The following GALNT17 variants were observed in gnomAD, a reference collection of about 807,000 sequenced individuals.
GALNT17 encodes the protein UDP-GalNAc:polypeptide N-acetylgalactosaminyltransferase-like 3.
GALNT17 carries 29 observed loss-of-function variants against 63.7 expected under a neutral mutation model. That is an observed-to-expected ratio of 0.46 (90% CI 0.34 to 0.62). GALNT17 has a LOEUF of 0.62. Ranked by LOEUF, GALNT17 falls within the 20% of genes least tolerant of loss-of-function variation. The pLI is 0.01. For synonymous variants in GALNT17, 305 were observed against 318.3 expected (o/e 0.96, Z 0.45); for missense variants, 603 against 799.6 (o/e 0.75, Z 2.97).
chr7:71,314,956 T>A (rs1791475044), intron 1 of GALNT17, among the ~76,000 whole-genome samples: 1 of 152,176 alleles, frequency 6.6e-6, no homozygotes, highest in Non-Finnish European at 1.5e-5. Flanking sequence ...TAAAAAAGTC[T>A]ACAGTTCACC....
At chr7:71,674,714 A>C (rs1433667755) in intron 8 of GALNT17, among the ~76,000 whole-genome samples, 2 of 151,816 alleles carry the variant, frequency 1.3e-5, no homozygotes, top group African/African-American at 2.4e-5. Context: ...GTGGGGTCTC[A>C]CTATGTTGCC....
At chr7:71,653,758 G>A (rs1165633265) in intron 6 of GALNT17, among the ~76,000 whole-genome samples, 1 of 152,114 alleles carries the variant, frequency 6.6e-6, no homozygotes, top group Non-Finnish European at 1.5e-5. Flanking sequence ...TGGAGTCAAA[G>A]ATTTTCTGAT....
intron 5 of GALNT17, among the ~76,000 whole-genome samples, chr7:71,451,553 G>C: frequency 6.6e-6 from 1 of 151,866 alleles, no homozygotes; most frequent in East Asian, 1.9e-4. Context: ...CCTTATATTT[G>C]AATTTTATTA....
intron 9 of GALNT17, among the ~76,000 whole-genome samples, chr7:71,684,815 C>T (rs1791328068): frequency 6.6e-6 from 1 of 151,952 alleles, no homozygotes; most frequent in Non-Finnish European, 1.5e-5. Flanking sequence ...GGTTATGAAC[C>T]ACCACACCCA....
intron 1 of GALNT17, among the ~76,000 whole-genome samples, chr7:71,251,266 A>G (rs550579802): frequency 6.6e-6 from 1 of 151,838 alleles, no homozygotes; most frequent in East Asian, 2.0e-4. Context: ...TGTGTCTAGT[A>G]GGGTGTTAAA....
chr7:71,670,852 T>C (rs1188910290), intron 8 of GALNT17, among the ~76,000 whole-genome samples: 1 of 151,692 alleles, frequency 6.6e-6, no homozygotes, highest in East Asian at 1.9e-4. Flanking sequence ...AGAGATAACG[T>C]GTACACTTTG....
chr7:71,659,547 A>G (rs1790875719), intron 6 of GALNT17, among the ~76,000 whole-genome samples: 1 of 152,074 alleles, frequency 6.6e-6, no homozygotes, highest in Admixed American at 6.6e-5. Context: ...TTACAGCCTG[A>G]CGGGCTCAGA....
intron 5 of GALNT17, among the ~76,000 whole-genome samples, chr7:71,543,938 G>A (rs1788936007): frequency 1.3e-5 from 2 of 151,452 alleles, no homozygotes; most frequent in Non-Finnish European, 2.9e-5. Context: ...GATTACAGGC[G>A]CATGCCACTG....
chr7:71,535,228 TA>T (rs1322881645), intron 5 of GALNT17, among the ~76,000 whole-genome samples: 1 of 152,204 alleles, frequency 6.6e-6, no homozygotes, highest in Non-Finnish European at 1.5e-5. Context: ...TACTATTAAA[TA>T]GCTATTTTTT....
At chr7:71,202,749 C>G (rs185767087) in intron 1 of GALNT17, among the ~76,000 whole-genome samples, 1 of 152,172 alleles carries the variant, frequency 6.6e-6, no homozygotes, top group African/African-American at 2.4e-5. Flanking sequence ...CCCGTCAAAC[C>G]GAACCTTTGT....
intron 1 of GALNT17, among the ~76,000 whole-genome samples, chr7:71,185,066 CTTCT>C (rs1485529760): frequency 7.1e-6 from 1 of 140,226 alleles, no homozygotes; most frequent in African/African-American, 2.8e-5. Flanking sequence ...CCTCCTTCTG[CTTCT>C]TTTTCTCCTC....
chr7:71,432,037 TG>T (rs1786876267), intron 5 of GALNT17, among the ~76,000 whole-genome samples: 2 of 152,032 alleles, frequency 1.3e-5, no homozygotes, highest in African/African-American at 4.8e-5. Context: ...TAGCTGGGTG[TG>T]ATGGTGCACA....
chr7:71,202,555 G>A (rs1789194873), intron 1 of GALNT17, among the ~76,000 whole-genome samples: 1 of 152,064 alleles, frequency 6.6e-6, no homozygotes, highest in African/African-American at 2.4e-5. Flanking sequence ...TAGGTACACT[G>A]TAATGTTTTA....
At chr7:71,185,071 T>C (rs1788820369) in intron 1 of GALNT17, among the ~76,000 whole-genome samples, 1 of 139,156 alleles carries the variant, frequency 7.2e-6, no homozygotes, top group Non-Finnish European at 1.5e-5. Context: ...TTCTGCTTCT[T>C]TTTCTCCTCC....
chr7:71,270,993 A>G (rs1304366671), intron 1 of GALNT17, among the ~76,000 whole-genome samples: 1 of 152,148 alleles, frequency 6.6e-6, no homozygotes, highest in Non-Finnish European at 1.5e-5. Context: ...AGCGTTTTCT[A>G]GGAATTTCAT....
chr7:71,256,203 C>T (rs1409928689), intron 1 of GALNT17, among the ~76,000 whole-genome samples: 1 of 152,196 alleles, frequency 6.6e-6, no homozygotes, highest in Non-Finnish European at 1.5e-5. Flanking sequence ...TTTCAGCTGT[C>T]CCACCTTTTC....
rs150399761 is a variant in GALNT17 at position 71,616,558 on chromosome 7, A to G, written c.1080+45156A>G. On this transcript the variant is annotated intron_variant, in intron 6 of 10. Coordinates refer to ENST00000333538, the MANE Select transcript of GALNT17 (RefSeq NM_022479.3). ...TAATATAAATATATAATAATTACAT[A>G]TAACTATATAATCTGATATTCTGGA... Among the ~76,000 whole-genome samples, 1,118 of 146,510 alleles carry G rather than the reference A, an allele frequency of 7.6e-3. 18 individuals carry two copies. The highest frequency in any genetic ancestry group is 0.026 in the African/African-American group (1,060 of 40,444).
chr7:71,232,143 A>G (rs1422194865), intron 1 of GALNT17, among the ~76,000 whole-genome samples: 1 of 152,016 alleles, frequency 6.6e-6, no homozygotes, highest in East Asian at 1.9e-4. Context: ...TGAGAAAGAG[A>G]GTTTGGGATG....
chr7:71,690,777 G>A (rs1401144293), intron 9 of GALNT17, among the ~76,000 whole-genome samples: 1 of 152,200 alleles, frequency 6.6e-6, no homozygotes, highest in African/African-American at 2.4e-5. Context: ...AACTCCAGAT[G>A]TGGTGGAAAC....
Sources: gnomAD v4.1 joint callset for allele counts (sites outside exome capture counted in the v4.1 genomes callset) on GRCh38, gnomAD v4.1.1 for gene constraint, MANE v1.5 for transcripts, NCBI Gene and HGNC (gene_info 2026-07-23, HGNC 2026-07-21) for gene names.